Variants in KCNQ2 observed in about 807,000 individuals in gnomAD.
The protein encoded by KCNQ2 is potassium voltage-gated channel subfamily Q member 2.
A neutral mutation model predicts 84.8 loss-of-function variants in KCNQ2; 14 were observed. The observed-to-expected ratio is 0.17, with a 90% CI of 0.11 to 0.26. KCNQ2 has a LOEUF of 0.26. Ranked by LOEUF, KCNQ2 falls within the 10% of genes least tolerant of loss-of-function variation. The pLI is 1.00. For synonymous variants in KCNQ2, 599 were observed against 554.1 expected, an observed-to-expected ratio of 1.08 and a Z score of -1.14; for missense variants, 788 against 1,254.0, an observed-to-expected ratio of 0.63 and a Z score of 5.61.
At chr20:63,443,179 T>A (rs1412073648) in intron 4 of KCNQ2, among the ~76,000 whole-genome samples, 1 of 54,038 alleles carries the variant, frequency 1.9e-5, no homozygotes, top group Non-Finnish European at 3.5e-5. Flanking sequence ...CACATCACCA[T>A]CACCATCACC....
At chr20:63,440,961 T>G (rs1438023406) in intron 5 of KCNQ2, among the ~76,000 whole-genome samples, 1 of 149,822 alleles carries the variant, frequency 6.7e-6, no homozygotes, top group Non-Finnish European at 1.5e-5. Context: ...AGGCGTGGTT[T>G]TTTGTTTGTT....
chr20:63,440,965 G>T (rs1353773598), intron 5 of KCNQ2, among the ~76,000 whole-genome samples: 1 of 148,748 alleles, frequency 6.7e-6, no homozygotes, highest in Non-Finnish European at 1.5e-5. Context: ...GTGGTTTTTT[G>T]TTTGTTTGTT....
In KCNQ2 at chr20:63,414,864, C is replaced by G; in HGVS notation, c.1525+39G>C. On this transcript the variant is annotated intron_variant, in intron 13 of 16. Coordinates refer to ENST00000359125, the MANE Select transcript of KCNQ2 (RefSeq NM_172107.4). This position sits in a 1 kb window ranked among gnomAD's most constrained non-coding sequence, Gnocchi z 6.6. The stretch of plus-strand genomic sequence containing the variant: ...GTAGCGTGGCCACCACATCCATCCC[C>G]GGAGAGGATGGACCAGGAGAGGATG... 6.3e-7 allele frequency: 1 copy of G among 1,599,826 alleles called. No homozygotes were observed. The highest frequency in any genetic ancestry group is 8.5e-7 in the Non-Finnish European group (1 of 1,169,666).
chr20:63,413,955 G>A (rs1383611399), intron 14 of KCNQ2, 133 bp downstream of exon 14: 2 of 726,480 alleles, frequency 2.8e-6, no homozygotes, highest in Admixed American at 2.1e-5. Context: ...CCGTGTCTTA[G>A]CCCTTTCTTT....
In KCNQ2 at chr20:63,415,145, A is replaced by ACAGACAGC; in HGVS notation, c.1302-20_1302-19insGCTGTCTG. 1 of 1,564,638 alleles carries ACAGACAGC rather than the reference A, an allele frequency of 6.4e-7. No individual in the cohort carries two copies. The highest frequency in any genetic ancestry group is 1.7e-5 in the Admixed American group (1 of 59,008). On this transcript the variant is annotated intron_variant, in intron 12 of 16. Coordinates refer to ENST00000359125, the MANE Select transcript of KCNQ2 (RefSeq NM_172107.4). ...CTTCTGGCTGCTCCCACGGGAACCG[A>ACAGACAGC]CAGACAGACAGAAAAACAGGGAGAG...
chr20:63,423,909 G>T (rs560364084), intron 11 of KCNQ2: 9 of 521,548 alleles, frequency 1.7e-5, no homozygotes, highest in Middle Eastern at 4.9e-4. Context: ...CGGGGTGGGG[G>T]ATCCCCCACC....
chr20:63,462,033 G>C (rs1345997455), intron 1 of KCNQ2, among the ~76,000 whole-genome samples: 4 of 132,228 alleles, frequency 3.0e-5, no homozygotes, highest in African/African-American at 1.2e-4. Flanking sequence ...GCAGCAGGGA[G>C]GAGGCTGCAT....
chr20:63,462,840 G>A (rs564848813), intron 1 of KCNQ2, among the ~76,000 whole-genome samples: 9 of 152,252 alleles, frequency 5.9e-5, no homozygotes, highest in Middle Eastern at 3.4e-3. Context: ...GGGGCCACAC[G>A]CACAAGGCAG....
chr20:63,442,139 A>T (rs1349985150), intron 5 of KCNQ2, among the ~76,000 whole-genome samples: 1 of 151,912 alleles, frequency 6.6e-6, no homozygotes, highest in Non-Finnish European at 1.5e-5. Flanking sequence ...AGGAAGGAAG[A>T]TGCCCACCAC....
At chr20:63,468,762 C>T (rs892459575) in intron 1 of KCNQ2, among the ~76,000 whole-genome samples, 2 of 152,234 alleles carry the variant, frequency 1.3e-5, no homozygotes, top group African/African-American at 4.8e-5. Context: ...GCCAGATTTC[C>T]CATCTGGCCT....
At chr20:63,470,844 G>C (rs2082198395) in intron 1 of KCNQ2, 1 of 152,154 alleles carries the variant, frequency 6.6e-6, no homozygotes, top group South Asian at 2.1e-4. Flanking sequence ...ATGAACCCTG[G>C]ACTGGAAAAG....
chr20:63,469,300 C>CAG (rs1458970284), intron 1 of KCNQ2, among the ~76,000 whole-genome samples: 1 of 152,282 alleles, frequency 6.6e-6, no homozygotes, highest in Non-Finnish European at 1.5e-5. Context: ...CCCGACCAGG[C>CAG]AGAGAGCAGG....
intron 11 of KCNQ2, among the ~76,000 whole-genome samples, chr20:63,421,405 C>T (rs1442794203): frequency 2.6e-5 from 4 of 152,192 alleles, no homozygotes; most frequent in Admixed American, 6.5e-5. Context: ...GGCAGGGAGG[C>T]GCTGCAGGCA....
chr20:63,411,707 G>A (rs1005638347), intron 15 of KCNQ2: 15 of 567,714 alleles, frequency 2.6e-5, no homozygotes, highest in South Asian at 4.5e-5. Context: ...AGGTGCTGCC[G>A]TCATGTGGCC....
intron 15 of KCNQ2, chr20:63,413,237 A>C: frequency 2.2e-4 from 119 of 549,474 alleles, no homozygotes; most frequent in East Asian, 3.7e-4. Flanking sequence ...GCACTTGCCC[A>C]CCGCGGTGTG....
At chr20:63,431,504 C>T in intron 8 of KCNQ2, 135 bp from the exon 9 acceptor site, 1 of 980,236 alleles carries the variant, frequency 1.0e-6, no homozygotes, top group South Asian at 1.3e-5. Flanking sequence ...AGCACAAGGG[C>T]TGGTTCTGTC....
intron 1 of KCNQ2, among the ~76,000 whole-genome samples, chr20:63,467,087 G>C (rs971074407): frequency 1.3e-5 from 2 of 151,956 alleles, no homozygotes. Flanking sequence ...CATTGCTCCC[G>C]CCTGAGCCTT....
At chr20:63,429,359 C>A (rs1173396618) in intron 9 of KCNQ2, among the ~76,000 whole-genome samples, 1 of 152,114 alleles carries the variant, frequency 6.6e-6, no homozygotes, top group Non-Finnish European at 1.5e-5. Flanking sequence ...ACGGCCTCCA[C>A]CCCTCCCCAC....
chr20:63,426,806 G>A (rs748825479), intron 10 of KCNQ2, among the ~76,000 whole-genome samples: 6 of 152,046 alleles, frequency 3.9e-5, no homozygotes, highest in African/African-American at 9.7e-5. Context: ...TTCAACATCC[G>A]TGTCCCCACC....
Sources: gnomAD v4.1 joint callset for allele counts (sites outside exome capture counted in the v4.1 genomes callset) on GRCh38, gnomAD v4.1.1 for gene constraint, Gnocchi (gnomAD v3.1) non-coding constraint, MANE v1.5 for transcripts, NCBI Gene and HGNC (gene_info 2026-07-23, HGNC 2026-07-21) for gene names.